ARPC2: variants seen among roughly 807,000 people sequenced by gnomAD.
ARPC2 encodes the protein actin related protein 2/3 complex subunit 2.
Under a neutral mutation model 38.6 loss-of-function variants are expected in ARPC2, and 4 were observed. The ratio of observed to expected loss-of-function variants is 0.10; its 90% CI spans 0.05 to 0.24. ARPC2 has a LOEUF of 0.24. Among genes scored for constraint, ARPC2 ranks in the 10% least tolerant of loss-of-function variants. The pLI is 1.00. For missense variants in ARPC2, 229 were observed against 387.3 expected, an observed-to-expected ratio of 0.59 and a Z score of 3.43; for synonymous variants, 125 against 140.8, an observed-to-expected ratio of 0.89 and a Z score of 0.79.
intron 5 of ARPC2, chr2:218,235,509 T>C (rs1225928348): frequency 6.6e-6 from 1 of 152,140 alleles, no homozygotes; most frequent in East Asian, 1.9e-4. Flanking sequence ...CAGCACCTTT[T>C]TTTTTTTTAA....
intron 5 of ARPC2, chr2:218,234,919 C>T: frequency 2.2e-6 from 1 of 456,208 alleles, no homozygotes; most frequent in Non-Finnish European, 4.4e-6. Flanking sequence ...TTGAATAGAA[C>T]AGCTATGTTA....
chr2:218,253,567 G>A (rs1423952450), intron 10 of ARPC2, among the ~76,000 whole-genome samples: 7 of 152,178 alleles, frequency 4.6e-5, no homozygotes, highest in Non-Finnish European at 8.8e-5. Flanking sequence ...GAGCCTAGTC[G>A]GAAATTCAGG....
At chr2:218,250,586 C>T (rs1690162543) in intron 10 of ARPC2, among the ~76,000 whole-genome samples, 1 of 151,716 alleles carries the variant, frequency 6.6e-6, no homozygotes, top group Admixed American at 6.6e-5. Flanking sequence ...ATTGCTTGAG[C>T]CCAGGAGGCA....
At chr2:218,253,023 G>A (rs903731746) in intron 10 of ARPC2, 1 of 456,564 alleles carries the variant, frequency 2.2e-6, no homozygotes, top group Non-Finnish European at 4.4e-6. Flanking sequence ...ACCAGATTAT[G>A]TTACTAATGG....
chr2:218,229,765 C>T (rs1335201575), intron 4 of ARPC2, among the ~76,000 whole-genome samples: 1 of 152,106 alleles, frequency 6.6e-6, no homozygotes, highest in Non-Finnish European at 1.5e-5. Context: ...TATTCAAATG[C>T]AATTGATTTT....
In ARPC2 at chr2:218,238,779, C is replaced by T. The variant is rs769653246; in HGVS notation, c.384C>T (p.Tyr128=). 1.2e-6 allele frequency: 2 copies of T among 1,613,832 alleles called. No individual in the cohort carries two copies. Among genetic ancestry groups the T allele is most frequent in the East Asian group, 2.2e-5 (1 of 44,850 alleles). ...GTTTTGCCTCTGTCTTTGAAAAATA[C>T]TTCCAATTCCAAGAAGAGGGCAAGG... ...RNCFASVFEK[Y]FQFQEEGKEG... The change falls in exon 6 of 11, where the codon TAC becomes TAT. Residue 128 remains tyrosine, a synonymous_variant. Transcript: ENST00000315717.
chr2:218,241,900 A>G (rs904143948), intron 7 of ARPC2, among the ~76,000 whole-genome samples: 2 of 152,244 alleles, frequency 1.3e-5, no homozygotes, highest in Admixed American at 6.5e-5. Context: ...GGAAATGACA[A>G]TCGGAAACTG....
At position 218,249,941 on chromosome 2, in the gene ARPC2, A is replaced by G. The variant is rs191495100; in HGVS notation, c.878+20A>G. ...AATCACGTAAGTTAGGCAGCACCCC[A>G]GCGACCACCTTCCTCTCCTGAGTCA... is the stretch of plus-strand genomic sequence containing the variant. On this transcript the variant is annotated intron_variant, in intron 10 of 10. Transcript: ENST00000315717. The G allele has an allele frequency of 1.9e-6, 3 of 1,574,458 alleles. No individual in the cohort carries two copies. In the African/African-American group the frequency reaches 4.0e-5, roughly 21 times the overall value.
intron 2 of ARPC2, among the ~76,000 whole-genome samples, chr2:218,218,287 C>T (rs1689304550): frequency 6.6e-6 from 1 of 152,220 alleles, no homozygotes; most frequent in Admixed American, 6.5e-5. Context: ...GACCCTAGGT[C>T]TGTGATTTCT....
At position 218,245,457 on chromosome 2, in the gene ARPC2, C is replaced by T. The variant is rs757210844; in HGVS notation, c.587C>T (p.Pro196Leu). The change falls in exon 8 of 11, where the codon CCA (proline) becomes CTA (leucine). Residue 196 changes from proline to leucine, a missense_variant. Around this residue, in one of 3 missense-constraint regions of ARPC2, gnomAD observed 92 missense variants for 152.3 expected, o/e 0.60. Coordinates refer to ENST00000315717, the MANE Select transcript of ARPC2 (RefSeq NM_152862.3). ...KEGRRASHTAPQVLFSHREPP... is the reference protein window; with the variant it reads ...KEGRRASHTALQVLFSHREPP... The stretch of plus-strand genomic sequence containing the variant: ...GGACGCAGAGCCAGCCACACAGCCC[C>T]ACAGGTCCTCTTTAGCCACAGGGAA... The T allele has an allele frequency of 6.2e-7, 1 of 1,614,174 alleles. No homozygotes were observed. Among genetic ancestry groups the T allele is most frequent in the Non-Finnish European group, 8.5e-7 (1 of 1,180,038 alleles).
At chr2:218,235,097 T>C (rs1689737785) in intron 5 of ARPC2, 1 of 297,634 alleles carries the variant, frequency 3.4e-6, no homozygotes, top group Non-Finnish European at 6.7e-6. Context: ...ACAACTTTGG[T>C]ACCTTGATTA....
intron 10 of ARPC2, chr2:218,253,016 A>C (rs887979682): frequency 2.2e-6 from 1 of 456,848 alleles, no homozygotes; most frequent in Non-Finnish European, 4.4e-6. Context: ...CCTGAAAACC[A>C]GATTATGTTA....
chr2:218,243,179 G>C (rs184958208), intron 7 of ARPC2, among the ~76,000 whole-genome samples: 1 of 152,124 alleles, frequency 6.6e-6, no homozygotes, highest in Non-Finnish European at 1.5e-5. Context: ...GCTATCCAGT[G>C]GTCCCAGTGG....
At chr2:218,243,153 C>CT (rs1056817307) in intron 7 of ARPC2, among the ~76,000 whole-genome samples, 2 of 152,146 alleles carry the variant, frequency 1.3e-5, no homozygotes, top group African/African-American at 4.8e-5. Context: ...AAAGAATGAT[C>CT]TTTTTTTCCT....
chr2:218,232,359 A>G (rs530447199), intron 4 of ARPC2, among the ~76,000 whole-genome samples: 3 of 152,340 alleles, frequency 2.0e-5, no homozygotes, highest in South Asian at 2.1e-4. Flanking sequence ...AGGGAGTCTC[A>G]GTCTGTTTTT....
chr2:218,253,071 C>T, intron 10 of ARPC2: 1 of 442,278 alleles, frequency 2.3e-6, no homozygotes, highest in Non-Finnish European at 4.5e-6. Context: ...GGGCAGAAGC[C>T]AGGAACCCTC....
intron 10 of ARPC2, 66 bp from the exon 11 acceptor site, chr2:218,253,825 A>G: frequency 1.9e-6 from 3 of 1,586,902 alleles, no homozygotes; most frequent in Non-Finnish European, 2.6e-6. Context: ...CATCTAGTCT[A>G]GGAGTGTGGG....
chr2:218,239,530 A>G (rs899392132), intron 7 of ARPC2, 46 bp downstream of exon 7: 1 of 1,420,204 alleles, frequency 7.0e-7, no homozygotes, highest in African/African-American at 1.4e-5. Context: ...GGCGACTTAT[A>G]CCTTTGCACC....
intron 7 of ARPC2, among the ~76,000 whole-genome samples, chr2:218,241,544 G>A (rs1438769106): frequency 6.6e-6 from 1 of 152,166 alleles, no homozygotes; most frequent in African/African-American, 2.4e-5. Flanking sequence ...AATTTTAAAA[G>A]CTCTGAAGTA....
Sources: allele counts gnomAD v4.1 joint callset (sites outside exome capture counted in the v4.1 genomes callset), GRCh38; gene constraint gnomAD v4.1.1; regional missense constraint gnomAD v4.1.1; transcripts MANE v1.5; gene names NCBI Gene and HGNC (gene_info 2026-07-23, HGNC 2026-07-21).